The following UBE3A variants were observed in gnomAD, a reference collection of about 807,000 sequenced individuals.
UBE3A encodes the protein ubiquitin protein ligase E3A.
In UBE3A, 6 loss-of-function variants were observed where a neutral mutation model predicts 83.4. The observed-to-expected ratio is 0.07, with a 90% CI of 0.04 to 0.14. UBE3A has a LOEUF of 0.14. Among genes scored for constraint, UBE3A ranks in the 10% least tolerant of loss-of-function variants. The pLI, the probability that UBE3A is intolerant of heterozygous loss-of-function variation, is 1.00. For synonymous variants in UBE3A, 337 were observed against 355.4 expected, an observed-to-expected ratio of 0.95 and a Z score of 0.58; for missense variants, 456 against 1,036.1, an observed-to-expected ratio of 0.44 and a Z score of 7.69.
At chr15:25,359,865 C>A (rs759318944) in intron 7 of UBE3A, among the ~76,000 whole-genome samples, 1 of 152,124 alleles carries the variant, frequency 6.6e-6, no homozygotes, top group Non-Finnish European at 1.5e-5. Flanking sequence ...AAAAAGAGTT[C>A]TGGAGTTCAA....
intron 2 of UBE3A, 34 bp downstream of exon 2, chr15:25,411,874 A>G (rs1233193263): frequency 1.3e-5 from 2 of 152,200 alleles, no homozygotes; most frequent in Admixed American, 1.3e-4. Context: ...ATACACATGC[A>G]ATACGAATTC....
intron 4 of UBE3A, among the ~76,000 whole-genome samples, chr15:25,377,481 T>C (rs1448173827): frequency 6.6e-6 from 1 of 152,104 alleles, no homozygotes; most frequent in Admixed American, 6.5e-5. Context: ...TTTAGCACTA[T>C]GCAAAATATG....
At chr15:25,396,226 A>T (rs2085537817) in intron 4 of UBE3A, among the ~76,000 whole-genome samples, 1 of 152,116 alleles carries the variant, frequency 6.6e-6, no homozygotes, top group Non-Finnish European at 1.5e-5. Flanking sequence ...AGTTACTGAG[A>T]AACTGGTATG....
At chr15:25,363,932 C>T (rs1273395015) in intron 6 of UBE3A, among the ~76,000 whole-genome samples, 1 of 151,912 alleles carries the variant, frequency 6.6e-6, no homozygotes, top group Non-Finnish European at 1.5e-5. Flanking sequence ...TGGCTCACAC[C>T]TGTAATCCCA....
At position 25,430,158 on chromosome 15, in the gene UBE3A, T is replaced by C. The variant is rs1347774266; in HGVS notation, c.-165+8331A>G. 1.2e-4 allele frequency among the ~76,000 whole-genome samples: 3 copies of C among 24,582 alleles called. 1 individual carries two copies. Among genetic ancestry groups the C allele is most frequent in the Non-Finnish European group, 1.9e-4 (3 of 15,584 alleles). 16.1% of individuals were successfully genotyped at this position (24,582 alleles called of 152,430 possible). The stretch of plus-strand genomic sequence containing the variant: ...ATATATTATATATATAATACATATA[T>C]ATAAGATTATATATATATTATATAT... On this transcript the variant is annotated intron_variant, in intron 1 of 12. Coordinates refer to ENST00000648336, the MANE Select transcript of UBE3A (RefSeq NM_130839.5).
chr15:25,340,031 C>T (rs577121851), intron 12 of UBE3A, 54 bp downstream of exon 12: 16 of 1,608,084 alleles, frequency 9.9e-6, no homozygotes, highest in African/African-American at 4.0e-5. Flanking sequence ...ATGTATGTGA[C>T]GAGGAATGCA....
At position 25,334,633 on chromosome 15, in the gene UBE3A, C is replaced by T. The variant is rs1438787158; in HGVS notation, c.*4504G>A. 1 of 149,844 alleles carries T rather than the reference C, an allele frequency of 6.7e-6. No homozygotes were observed. The highest frequency in any genetic ancestry group is 1.5e-5 in the Non-Finnish European group (1 of 67,762). 9.3% of individuals were successfully genotyped at this position (149,844 alleles called of 1,614,324 possible). A position where few individuals can be genotyped will look rare whatever the true frequency, so the allele number is the denominator to read the frequency against. ...AAAAAAAAAAAAAATGGAGGACTTG[C>T]ACATCCCAAATCTAAACTTACTACC... On this transcript the variant is annotated 3_prime_UTR_variant, in exon 13 of 13. Coordinates refer to ENST00000648336, the MANE Select transcript of UBE3A (RefSeq NM_130839.5).
chr15:25,378,742 C>T (rs2081649613), intron 4 of UBE3A, among the ~76,000 whole-genome samples: 1 of 151,982 alleles, frequency 6.6e-6, no homozygotes. Flanking sequence ...ATGAGTAATA[C>T]TGAAGAATTC....
chr15:25,432,273 A>T (rs1393163069), intron 1 of UBE3A, among the ~76,000 whole-genome samples: 1 of 152,212 alleles, frequency 6.6e-6, no homozygotes, highest in Non-Finnish European at 1.5e-5. Flanking sequence ...TTTAATTAGG[A>T]GGTGGAAAGT....
chr15:25,339,405 G>C lies in UBE3A; in HGVS notation c.2499-148C>G, dbSNP rs2074350459. 3.4e-5 allele frequency: 33 copies of C among 983,518 alleles called. No homozygotes were observed. In the South Asian group the frequency reaches 6.1e-4, roughly 18 times the overall value. 60.9% of individuals were successfully genotyped at this position (983,518 alleles called of 1,614,324 possible). ...TAATGCAAATCATAAACTTTTTGTT[G>C]TGTAACTACCAAGTTGCCTTTATCC... On this transcript the variant is annotated intron_variant, in intron 12 of 12. Transcript: ENST00000648336.
At chr15:25,389,704 A>G (rs1287788590) in intron 4 of UBE3A, among the ~76,000 whole-genome samples, 2 of 152,178 alleles carry the variant, frequency 1.3e-5, no homozygotes, top group Non-Finnish European at 2.9e-5. Context: ...CCTGGCTAAC[A>G]TAGTGAAACC....
Position 25,411,934 on chromosome 15 carries a change from T to G in UBE3A, c.-127A>C, listed in dbSNP as rs1463470741. 1 of 152,198 alleles carries G rather than the reference T, an allele frequency of 6.6e-6. No individual in the cohort carries two copies. Among genetic ancestry groups the G allele is most frequent in the Non-Finnish European group, 1.5e-5 (1 of 68,036 alleles). 9.4% of individuals were successfully genotyped at this position (152,198 alleles called of 1,614,324 possible). On this transcript the variant is annotated 5_prime_UTR_variant, in exon 2 of 13. Transcript: ENST00000648336. Reference sequence around the variant, plus strand: ...ATATTTCGCCAAACTTCTGAGGAGCTGGTGAATTCTAAAATCAGGCTCTTA... The same window carrying G: ...ATATTTCGCCAAACTTCTGAGGAGCGGGTGAATTCTAAAATCAGGCTCTTA...
intron 4 of UBE3A, chr15:25,391,658 A>G (rs1240099139): frequency 1.3e-5 from 2 of 152,200 alleles, no homozygotes; most frequent in Admixed American, 1.3e-4. Context: ...AGTACATGTC[A>G]GGAACAAGAG....
At chr15:25,386,148 G>A (rs570712481) in intron 4 of UBE3A, among the ~76,000 whole-genome samples, 2 of 152,142 alleles carry the variant, frequency 1.3e-5, no homozygotes, top group South Asian at 4.1e-4. Flanking sequence ...AGGGAGGGGT[G>A]GGATTGAGAA....
In UBE3A at chr15:25,333,765, A is replaced by G. The variant is rs533719969; in HGVS notation, c.*5372T>C. 3 of 152,264 alleles carry G rather than the reference A, an allele frequency of 2.0e-5. No homozygotes were observed. In the East Asian group the frequency reaches 5.8e-4, roughly 29 times the overall value. The allele number at this position is 152,264 out of a possible 1,614,324, so 9.4% of individuals were successfully genotyped here. ...GAACAAGGTTTATGTAGCATGGACA[A>G]CTGAGATTATCCCAGGAATGCAAAG... is the stretch of plus-strand genomic sequence containing the variant. On this transcript the variant is annotated 3_prime_UTR_variant, in exon 13 of 13. Transcript: ENST00000648336.
At position 25,334,657 on chromosome 15, in the gene UBE3A, C is replaced by T. The variant is rs768552965; in HGVS notation, c.*4480G>A. 1.3e-5 allele frequency: 2 copies of T among 150,886 alleles called. No homozygotes were observed. Among genetic ancestry groups the T allele is most frequent in the African/African-American group, 4.9e-5 (2 of 40,976 alleles). 9.3% of individuals were successfully genotyped at this position (150,886 alleles called of 1,614,324 possible). A position where few individuals can be genotyped will look rare whatever the true frequency, so the allele number is the denominator to read the frequency against. On this transcript the variant is annotated 3_prime_UTR_variant, in exon 13 of 13. Coordinates refer to ENST00000648336, the MANE Select transcript of UBE3A (RefSeq NM_130839.5). Reference sequence around the variant, plus strand: ...GCACATCCCAAATCTAAACTTACTACCAAGCTACAGCCATCAAGACAGTGC... The same window carrying T: ...GCACATCCCAAATCTAAACTTACTATCAAGCTACAGCCATCAAGACAGTGC...
chr15:25,369,387 A>ACAC (rs1271066928), intron 6 of UBE3A, among the ~76,000 whole-genome samples: 6 of 146,196 alleles, frequency 4.1e-5, no homozygotes, highest in Non-Finnish European at 9.0e-5. Flanking sequence ...AAAAAAAAAA[A>ACAC]ACACACAAAA....
chr15:25,355,253 C>G (rs1288593440), intron 9 of UBE3A, among the ~76,000 whole-genome samples: 2 of 152,066 alleles, frequency 1.3e-5, no homozygotes, highest in African/African-American at 2.4e-5. Context: ...GTATCCAGTT[C>G]AGCAAAAATG....
chr15:25,377,242 T>C (rs886685057), intron 4 of UBE3A, among the ~76,000 whole-genome samples: 1 of 152,136 alleles, frequency 6.6e-6, no homozygotes, highest in African/African-American at 2.4e-5. Flanking sequence ...AGAAGAACTT[T>C]CACTCTCTGT....
Sources: allele counts gnomAD v4.1 joint callset (sites outside exome capture counted in the v4.1 genomes callset), GRCh38; gene constraint gnomAD v4.1.1; transcripts MANE v1.5; gene names NCBI Gene and HGNC (gene_info 2026-07-23, HGNC 2026-07-21).